The following RSPO2 variants were observed in gnomAD, a reference collection of about 807,000 sequenced individuals.
RSPO2 encodes R-spondin 2.
A neutral mutation model predicts 30.9 loss-of-function variants in RSPO2; 14 were observed. The ratio of observed to expected loss-of-function variants is 0.45; its 90% confidence interval spans 0.30 to 0.71. The LOEUF is 0.71. RSPO2 is among the 30% of genes least tolerant of loss of function. RSPO2 has a pLI of 0.08. For synonymous variants in RSPO2, 107 were observed against 96.4 expected, an observed-to-expected ratio of 1.11 and a Z score of -0.64; for missense variants, 264 against 301.9, an observed-to-expected ratio of 0.87 and a Z score of 0.93.
At chr8:108,052,880 C>T (rs558616281) in intron 2 of RSPO2, among the ~76,000 whole-genome samples, 8 of 151,966 alleles carry the variant, frequency 5.3e-5, no homozygotes, top group Admixed American at 5.2e-4. Context: ...GGTAGAACGG[C>T]TCTTGGGATC....
chr8:108,007,794 C>T (rs1443916138), intron 2 of RSPO2, among the ~76,000 whole-genome samples: 1 of 152,010 alleles, frequency 6.6e-6, no homozygotes, highest in African/African-American at 2.4e-5. Flanking sequence ...AACCTCAGAG[C>T]TAATCAAGCT....
At chr8:107,909,322 G>A (rs1811750628) in intron 5 of RSPO2, among the ~76,000 whole-genome samples, 1 of 148,676 alleles carries the variant, frequency 6.7e-6, no homozygotes. Context: ...GAGTGCAGTG[G>A]CATGATCTTG....
rs58917073 is a variant in RSPO2, at chr8:107,917,422, C to T, written c.617-16232G>A. On this transcript the variant is annotated intron_variant, in intron 5 of 5. Transcript: ENST00000276659. ...ATCACTTGAACCCAGGAGGTGGAGG[C>T]TGCAGTAAGCCAAGATCACACCATT... is the stretch of plus-strand genomic sequence containing the variant. Among the ~76,000 whole-genome samples the T allele has an allele frequency of 6.8e-3, 1,031 of 152,038 alleles. 6 individuals are homozygous for T. Among genetic ancestry groups the T allele is most frequent in the African/African-American group, 0.023 (973 of 41,484 alleles).
At chr8:108,040,561 T>C (rs1296634742) in intron 2 of RSPO2, among the ~76,000 whole-genome samples, 2 of 152,110 alleles carry the variant, frequency 1.3e-5, no homozygotes, top group Admixed American at 1.3e-4. Flanking sequence ...AGGCAGAACA[T>C]GAAATATCAC....
At chr8:108,051,720 C>T (rs1812084941) in intron 2 of RSPO2, among the ~76,000 whole-genome samples, 1 of 152,188 alleles carries the variant, frequency 6.6e-6, no homozygotes, top group Admixed American at 6.5e-5. Context: ...TCCATTCCTT[C>T]AACATGAGGC....
Position 107,983,204 on chromosome 8 carries a change from C to G in RSPO2, c.283+5852G>C, listed in dbSNP as rs1443207824. The stretch of plus-strand genomic sequence containing the variant: ...TTAGCTGTAGGCAAATACGAAGAGG[C>G]TATTTCTTGTCACAAAAAGGCTGCA... On this transcript the variant is annotated intron_variant, in intron 3 of 5. Transcript: ENST00000276659. The G allele has an allele frequency of 3.2e-6, 5 of 1,571,402 alleles. No individual in the cohort carries two copies. In the Admixed American group the frequency reaches 8.8e-5, roughly 28 times the overall value.
At chr8:107,935,090 G>A (rs1812673391) in intron 5 of RSPO2, among the ~76,000 whole-genome samples, 1 of 152,146 alleles carries the variant, frequency 6.6e-6, no homozygotes, top group Non-Finnish European at 1.5e-5. Context: ...ACTGCCTGCG[G>A]GGCGGGACAG....
intron 4 of RSPO2, among the ~76,000 whole-genome samples, chr8:107,959,097 A>G (rs1813535045): frequency 6.6e-6 from 1 of 152,224 alleles, no homozygotes; most frequent in South Asian, 2.1e-4. Context: ...TTTACAGGCT[A>G]GTTCTAAATT....
chr8:107,974,042 CA>C (rs35833691), intron 3 of RSPO2, among the ~76,000 whole-genome samples: 74,161 of 151,932 alleles, frequency 0.49, 20,987 homozygotes, highest in East Asian at 0.68. Flanking sequence ...CATCCTCAAA[CA>C]AACATGCATT....
At chr8:107,947,517 A>C (rs1813103627) in intron 5 of RSPO2, among the ~76,000 whole-genome samples, 1 of 152,204 alleles carries the variant, frequency 6.6e-6, no homozygotes, top group Non-Finnish European at 1.5e-5. Context: ...GCCACAGTGG[A>C]CCACAAGCCA....
At chr8:107,973,889 G>C (rs1814110101) in intron 3 of RSPO2, among the ~76,000 whole-genome samples, 1 of 152,156 alleles carries the variant, frequency 6.6e-6, no homozygotes, top group East Asian at 1.9e-4. Flanking sequence ...TGTAACTTGT[G>C]TTTTCCTTTC....
intron 5 of RSPO2, among the ~76,000 whole-genome samples, chr8:107,955,571 T>A (rs1005016758): frequency 1.3e-4 from 20 of 151,936 alleles, no homozygotes; most frequent in African/African-American, 2.7e-4. Context: ...TGATTTTTTT[T>A]AAAAAAAGAA....
At chr8:108,075,235 T>G (rs746382616) in intron 2 of RSPO2, among the ~76,000 whole-genome samples, 8 of 152,060 alleles carry the variant, frequency 5.3e-5, no homozygotes, top group Non-Finnish European at 1.2e-4. Flanking sequence ...AATCCCAGCA[T>G]TTTGGGAGGC....
Position 108,053,345 on chromosome 8 carries a change from T to A in RSPO2, c.94+29200A>T, listed in dbSNP as rs193275115. ...TCCAAGAAATTAAAAACAGATTCTCTTCTTAAAAGAGTTGGAAATCCTTCC... is the reference window on the plus strand; with the variant it reads ...TCCAAGAAATTAAAAACAGATTCTCATCTTAAAAGAGTTGGAAATCCTTCC... On this transcript the variant is annotated intron_variant, in intron 2 of 5. Transcript: ENST00000276659. Among the ~76,000 whole-genome samples, 4 of 152,286 alleles carry A rather than the reference T, an allele frequency of 2.6e-5. No individual in the cohort carries two copies. The East Asian group carries it at 7.7e-4, about 29-fold the overall frequency.
At chr8:107,941,377 G>A (rs1486149212) in intron 5 of RSPO2, among the ~76,000 whole-genome samples, 1 of 152,144 alleles carries the variant, frequency 6.6e-6, no homozygotes, top group South Asian at 2.1e-4. Context: ...TGTCTAGATT[G>A]CAATGATAAC....
intron 2 of RSPO2, among the ~76,000 whole-genome samples, chr8:107,993,948 A>C (rs957213204): frequency 1.6e-4 from 25 of 152,118 alleles, no homozygotes; most frequent in African/African-American, 6.0e-4. Context: ...CCATAATCCC[A>C]TAGAATCTCA....
At chr8:107,907,829 T>C (rs1286760638) in intron 5 of RSPO2, among the ~76,000 whole-genome samples, 1 of 152,104 alleles carries the variant, frequency 6.6e-6, no homozygotes, top group Non-Finnish European at 1.5e-5. Context: ...GTTACCATAT[T>C]TTTTTATCTA....
chr8:108,028,697 G>A (rs1412476841), intron 2 of RSPO2, among the ~76,000 whole-genome samples: 1 of 152,142 alleles, frequency 6.6e-6, no homozygotes, highest in Non-Finnish European at 1.5e-5. Flanking sequence ...GTGCCTAACT[G>A]GAACAGCCTA....
chr8:107,914,106 A>T (rs1811903898), intron 5 of RSPO2, among the ~76,000 whole-genome samples: 1 of 152,258 alleles, frequency 6.6e-6, no homozygotes, highest in South Asian at 2.1e-4. Context: ...TTAGTAAAAG[A>T]CATTACCTGG....
Sources: allele counts gnomAD v4.1 joint callset (sites outside exome capture counted in the v4.1 genomes callset), GRCh38; gene constraint gnomAD v4.1.1; transcripts MANE v1.5; gene names NCBI Gene and HGNC (gene_info 2026-07-23, HGNC 2026-07-21).